TAF2: variants seen among roughly 807,000 people sequenced by gnomAD.
The protein encoded by TAF2 is transcription initiation factor TFIID subunit 2.
Under a neutral mutation model 138.5 loss-of-function variants are expected in TAF2, and 61 were observed. The ratio of observed to expected loss-of-function variants is 0.44; its 90% confidence interval spans 0.36 to 0.54. The LOEUF is 0.54. Ranked by LOEUF, TAF2 falls within the 20% of genes least tolerant of loss-of-function variation. The pLI is 0.00. For missense variants in TAF2, 1,090 were observed against 1,427.9 expected (o/e 0.76, Z 3.81); for synonymous variants, 475 against 469.9 (o/e 1.01, Z -0.14).
chr8:119,808,149 G>A (rs907049222), intron 3 of TAF2, among the ~76,000 whole-genome samples: 3 of 152,118 alleles, frequency 2.0e-5, no homozygotes, highest in African/African-American at 7.2e-5. Flanking sequence ...AAAGCACAGA[G>A]TTCTGGAAGT....
chr8:119,769,976 C>T (rs927203681), intron 18 of TAF2, among the ~76,000 whole-genome samples: 20 of 151,934 alleles, frequency 1.3e-4, no homozygotes, highest in African/African-American at 4.3e-4. Flanking sequence ...ACAGGATGGT[C>T]TCCATCTCCT....
In TAF2 at chr8:119,756,106, A is replaced by C; in HGVS notation, c.2778T>G (p.Ile926Met). The C allele has an allele frequency of 6.2e-7, 1 of 1,613,214 alleles. No individual in the cohort carries two copies. The highest frequency in any genetic ancestry group is 8.5e-7 in the Non-Finnish European group (1 of 1,179,464). The change falls in exon 22 of 26, where the codon ATT becomes ATG. Residue 926 changes from isoleucine to methionine, a missense_variant. Coordinates refer to ENST00000378164, the MANE Select transcript of TAF2 (RefSeq NM_003184.4). ...NDPVPYVRHK[I>M]LNMLTKNPPF... is the part of the protein sequence containing the mutation. ...GTGGGTTCTTAGTCAACATGTTGAG[A>C]ATCTTATGCCTGAAAGATTAAAAAA...
At chr8:119,740,491 T>TAAAAAAA (rs34577375) in intron 25 of TAF2, among the ~76,000 whole-genome samples, 2 of 86,912 alleles carry the variant, frequency 2.3e-5, no homozygotes, top group African/African-American at 9.3e-5. Flanking sequence ...CTGTCTCTAC[T>TAAAAAAA]AAAAAAAAAA....
Position 119,803,922 on chromosome 8 carries a change from C to T in TAF2, c.516G>A (p.Glu172=). ...VVPSVEGSMA[E]RGAHVFSCGY... is the part of the protein sequence containing the mutation. Reference sequence around the variant, plus strand: ...CACAAGAGAAAACATGAGCACCTCTCTCTGCCATACTTCCCTCTACACTGG... The same window carrying T: ...CACAAGAGAAAACATGAGCACCTCTTTCTGCCATACTTCCCTCTACACTGG... Residue 172 remains glutamate, a synonymous_variant, in exon 5 of 26, where the codon GAG becomes GAA. Coordinates refer to ENST00000378164, the MANE Select transcript of TAF2 (RefSeq NM_003184.4). The T allele has an allele frequency of 6.2e-7, 1 of 1,614,034 alleles. No homozygotes were observed. The highest frequency in any genetic ancestry group is 8.5e-7 in the Non-Finnish European group (1 of 1,179,990).
At chr8:119,827,734 AT>A (rs58428759) in intron 2 of TAF2, among the ~76,000 whole-genome samples, 21,163 of 143,862 alleles carry the variant, frequency 0.15, 1,648 homozygotes, top group South Asian at 0.23. Context: ...CATGGAAGGA[AT>A]TTTTTTTTTT....
Position 119,811,016 on chromosome 8 carries a change from T to C in TAF2, c.300-4615A>G, listed in dbSNP as rs758556324. ...AATGTTTTCTTTCATAATAACCTCA[T>C]AGAAGTCAAAAATTACAGTGTAAAA... On this transcript the variant is annotated intron_variant, in intron 3 of 25. Transcript: ENST00000378164. Among the ~76,000 whole-genome samples the C allele has an allele frequency of 3.9e-5, 6 of 152,288 alleles. No homozygotes were observed. In the South Asian group the frequency reaches 1.0e-3, roughly 26 times the overall value.
At chr8:119,787,762 C>A (rs192706651) in intron 14 of TAF2, among the ~76,000 whole-genome samples, 1 of 152,330 alleles carries the variant, frequency 6.6e-6, no homozygotes, top group East Asian at 1.9e-4. Flanking sequence ...GATTATAAAT[C>A]ATTCTCCTAT....
chr8:119,817,926 C>T (rs1283045929), intron 3 of TAF2, among the ~76,000 whole-genome samples: 1 of 152,100 alleles, frequency 6.6e-6, no homozygotes, highest in Non-Finnish European at 1.5e-5. Context: ...TGTAATAAGT[C>T]TTTTTATGTC....
chr8:119,801,764 GGA>G (rs892912457), intron 6 of TAF2, 28 bp downstream of exon 6: 4 of 1,590,244 alleles, frequency 2.5e-6, no homozygotes, highest in Non-Finnish European at 2.6e-6. Context: ...AGGGCCAGGA[GGA>G]GAGTAAGAGA....
intron 18 of TAF2, among the ~76,000 whole-genome samples, chr8:119,770,146 G>A (rs1265719003): frequency 4.0e-5 from 6 of 150,648 alleles, no homozygotes. Context: ...GCATTCCTGG[G>A]GCAGAAAAAA....
chr8:119,750,272 C>T (rs896719320), intron 22 of TAF2, among the ~76,000 whole-genome samples: 2 of 152,236 alleles, frequency 1.3e-5, no homozygotes, highest in African/African-American at 4.8e-5. Flanking sequence ...ACCTGGGAAG[C>T]GGAGCTTGCA....
chr8:119,786,749 C>G (rs1162509221), intron 14 of TAF2, among the ~76,000 whole-genome samples: 1 of 152,090 alleles, frequency 6.6e-6, no homozygotes, highest in Non-Finnish European at 1.5e-5. Context: ...TGGTGAAACC[C>G]TGTCTCTACT....
At chr8:119,798,878 CTGTT>C (rs746319533) in intron 6 of TAF2, among the ~76,000 whole-genome samples, 4 of 152,014 alleles carry the variant, frequency 2.6e-5, no homozygotes, top group Non-Finnish European at 5.9e-5. Flanking sequence ...GATTAACACT[CTGTT>C]TGTATTAATC....
chr8:119,742,195 T>C (rs1028172531), intron 25 of TAF2, among the ~76,000 whole-genome samples: 3 of 152,168 alleles, frequency 2.0e-5, no homozygotes, highest in Admixed American at 6.5e-5. Context: ...ATAATATTCT[T>C]AGAAAAAGCA....
chr8:119,802,681 G>A (rs989323194), intron 5 of TAF2, among the ~76,000 whole-genome samples: 1 of 152,206 alleles, frequency 6.6e-6, no homozygotes, highest in Non-Finnish European at 1.5e-5. Flanking sequence ...GGGAGGCTGA[G>A]GCAGGTGGAT....
intron 11 of TAF2, among the ~76,000 whole-genome samples, chr8:119,790,454 C>A (rs569883793): frequency 8.6e-5 from 13 of 151,250 alleles, no homozygotes; most frequent in African/African-American, 2.7e-4. Flanking sequence ...ACAAAACAAA[C>A]CAAAAAAAGG....
At chr8:119,772,754 T>A (rs1022558452) in intron 18 of TAF2, among the ~76,000 whole-genome samples, 6 of 151,852 alleles carry the variant, frequency 4.0e-5, no homozygotes, top group Admixed American at 1.3e-4. Context: ...CTGGCCAACA[T>A]GGTGAAACCC....
At chr8:119,806,820 T>G (rs1824692056) in intron 3 of TAF2, among the ~76,000 whole-genome samples, 1 of 152,166 alleles carries the variant, frequency 6.6e-6, no homozygotes, top group East Asian at 1.9e-4. Flanking sequence ...AAGCATTTTA[T>G]CTTCTTATAT....
In TAF2 at chr8:119,796,587, T is replaced by C. The variant is rs549532554; in HGVS notation, c.1091+403A>G. ...TGAACACTGACATTAAAATTCTAAC[T>C]TCAGATTTCTGTACATTTAAGTTCT... On this transcript the variant is annotated intron_variant, in intron 8 of 25. Coordinates refer to ENST00000378164, the MANE Select transcript of TAF2 (RefSeq NM_003184.4). Among the ~76,000 whole-genome samples, 138 of 152,218 alleles carry C rather than the reference T, an allele frequency of 9.1e-4. 1 individual carries two copies. The highest frequency in any genetic ancestry group is 3.1e-3 in the African/African-American group (129 of 41,598).
Sources: gnomAD v4.1 joint callset for allele counts (sites outside exome capture counted in the v4.1 genomes callset) on GRCh38, gnomAD v4.1.1 for gene constraint, MANE v1.5 for transcripts, NCBI Gene and HGNC (gene_info 2026-07-23, HGNC 2026-07-21) for gene names.